The following SERAC1 variants were observed in gnomAD, a reference collection of about 807,000 sequenced individuals.
The protein encoded by SERAC1 is protein SERAC1.
A neutral mutation model predicts 85.7 loss-of-function variants in SERAC1; 36 were observed. The observed-to-expected ratio is 0.42, with a 90% CI of 0.32 to 0.55. The LOEUF (loss-of-function observed/expected upper bound fraction) is 0.55. Ranked by LOEUF, SERAC1 falls within the 20% of genes least tolerant of loss-of-function variation. The pLI, the probability that SERAC1 is intolerant of heterozygous loss-of-function variation, is 0.11. For missense variants in SERAC1, 629 were observed against 796.2 expected (o/e 0.79, Z 2.53); for synonymous variants, 242 against 265.3 (o/e 0.91, Z 0.85).
rs1449129513 is a variant in SERAC1 at position 158,128,191 on chromosome 6, C to A, written c.932G>T (p.Cys311Phe). 6.2e-6 allele frequency: 10 copies of A among 1,614,112 alleles called. No homozygotes were observed. The Admixed American group carries it at 6.7e-5, about 11-fold the overall frequency. ...CATTATATTTCTCTGTACTTTAGGG[C>A]AGTCCTTGTGAAGTCGGTACAGCCT... ...LQRLYRLHKD[C>F]PKVQRNIMRV... The change falls in exon 10 of 17, where the codon TGC (cysteine) becomes TTC (phenylalanine). Residue 311 changes from cysteine (C) to phenylalanine (F), a missense_variant. Coordinates refer to ENST00000647468, the MANE Select transcript of SERAC1 (RefSeq NM_032861.4).
At chr6:158,167,160 T>G (rs977979201) in intron 1 of SERAC1, among the ~76,000 whole-genome samples, 1 of 133,286 alleles carries the variant, frequency 7.5e-6, no homozygotes, top group Non-Finnish European at 1.6e-5. Context: ...ATTTGAGGGA[T>G]AGAAAGAGGG....
At chr6:158,123,253 A>G (rs1266201851) in intron 10 of SERAC1, among the ~76,000 whole-genome samples, 1 of 152,216 alleles carries the variant, frequency 6.6e-6, no homozygotes, top group Non-Finnish European at 1.5e-5. Context: ...CCTCCAATGT[A>G]TGTGATCAGA....
At position 158,111,373 on chromosome 6, in the gene SERAC1, T is replaced by C; in HGVS notation, c.1958A>G (p.Glu653Gly). ...ACTGGAAGAGCACAACTGTTAGTTT[T>C]CAAGGTCTTTGGCTAAAGCTTCACG... ...FIREALAKDL[E>G]N The change falls in exon 17 of 17, where the codon GAA (glutamate) becomes GGA (glycine). Residue 653 changes from glutamate (E) to glycine (G), a missense_variant. Transcript: ENST00000647468. 6.3e-7 allele frequency: 1 copy of C among 1,585,636 alleles called. No homozygotes were observed. The highest frequency in any genetic ancestry group is 2.2e-5 in the East Asian group (1 of 44,700).
intron 1 of SERAC1, among the ~76,000 whole-genome samples, chr6:158,166,409 T>C (rs1785597788): frequency 6.6e-6 from 1 of 151,890 alleles, no homozygotes; most frequent in Admixed American, 6.6e-5. Flanking sequence ...TACAACTTTA[T>C]ATTAAGCTTT....
At chr6:158,138,328 G>A (rs560815369) in intron 8 of SERAC1, among the ~76,000 whole-genome samples, 6 of 151,878 alleles carry the variant, frequency 4.0e-5, no homozygotes, top group East Asian at 1.9e-4. Context: ...CCAGCTAGTC[G>A]GGAGGCTGAG....
At chr6:158,157,847 G>A (rs73794526) in intron 2 of SERAC1, among the ~76,000 whole-genome samples, 5,321 of 152,242 alleles carry the variant, frequency 0.035, 295 homozygotes, top group African/African-American at 0.12. Context: ...GGCCTAGGGT[G>A]TCAGAGAAAG....
Position 158,120,617 on chromosome 6 carries a change from A to T in SERAC1, c.1016-42T>A. The T allele has an allele frequency of 6.3e-7, 1 of 1,594,324 alleles. No homozygotes were observed. ...ATATCCTAAATACTGATGTGAATCC[A>T]TCGCAGACCACAGAGAGAGTGAGGT... On this transcript the variant is annotated intron_variant, in intron 10 of 16. Transcript: ENST00000647468. This position sits in a 1 kb window ranked among gnomAD's most constrained non-coding sequence, Gnocchi z 4.4.
intron 12 of SERAC1, among the ~76,000 whole-genome samples, chr6:158,118,209 T>A (rs1189409043): frequency 6.6e-6 from 1 of 152,170 alleles, no homozygotes; most frequent in Non-Finnish European, 1.5e-5. Flanking sequence ...CTAATAATAA[T>A]CATCACAGTT....
chr6:158,166,182 T>A (rs1460584682), intron 1 of SERAC1: 2 of 152,226 alleles, frequency 1.3e-5, no homozygotes, highest in African/African-American at 4.8e-5. Flanking sequence ...AAAGTAAGAA[T>A]CTAATCCTGT....
chr6:158,131,059 CATATT>C (rs2128416061), intron 8 of SERAC1, among the ~76,000 whole-genome samples: 1 of 152,038 alleles, frequency 6.6e-6, no homozygotes, highest in South Asian at 2.1e-4. Context: ...CTATTTCTAA[CATATT>C]AAAACATAAA....
rs2502606 is a variant in SERAC1 at position 158,111,155 on chromosome 6, A to G, written c.*211T>C. ...GGACTTCTTTACACCAAAGGGGCCCAATCCAGCCCTTCCTTCTGTGCCTGC... is the reference window on the plus strand; with the variant it reads ...GGACTTCTTTACACCAAAGGGGCCCGATCCAGCCCTTCCTTCTGTGCCTGC... On this transcript the variant is annotated 3_prime_UTR_variant, in exon 17 of 17. Coordinates refer to ENST00000647468, the MANE Select transcript of SERAC1 (RefSeq NM_032861.4). 128,479 of 390,260 alleles carry G rather than the reference A, an allele frequency of 0.33. 21,712 individuals are homozygous for G. Among genetic ancestry groups the G allele is most frequent in the Non-Finnish European group, 0.34 (75,336 of 220,212 alleles). The allele number at this position is 390,260 out of a possible 1,614,324, so 24.2% of individuals were successfully genotyped here.
At chr6:158,167,141 T>C (rs1020638436) in intron 1 of SERAC1, among the ~76,000 whole-genome samples, 1 of 148,322 alleles carries the variant, frequency 6.7e-6, no homozygotes, top group Non-Finnish European at 1.5e-5. Context: ...AAATCACCAG[T>C]TGGAAAAGAT....
intron 5 of SERAC1, among the ~76,000 whole-genome samples, chr6:158,148,038 C>A (rs1346924132): frequency 1.3e-5 from 2 of 152,114 alleles, no homozygotes; most frequent in South Asian, 2.1e-4. Flanking sequence ...CCCAAATCAT[C>A]TAAAATTCAG....
intron 8 of SERAC1, among the ~76,000 whole-genome samples, chr6:158,132,416 G>C (rs1371718879): frequency 6.6e-6 from 1 of 152,192 alleles, no homozygotes; most frequent in Non-Finnish European, 1.5e-5. Flanking sequence ...ATGGGGCTAA[G>C]TCATGAAAAG....
chr6:158,156,648 C>T (rs1353564887), intron 2 of SERAC1, among the ~76,000 whole-genome samples: 1 of 150,074 alleles, frequency 6.7e-6, no homozygotes, highest in Admixed American at 6.8e-5. Flanking sequence ...TGGACTCAAG[C>T]TTCTGTTACA....
rs537671146 is a variant in SERAC1, at chr6:158,164,258, G to A, written c.-2+3882C>T. Among the ~76,000 whole-genome samples the A allele has an allele frequency of 2.6e-3, 388 of 151,824 alleles. 1 individual carries two copies. Among genetic ancestry groups the A allele is most frequent in the South Asian group, 5.6e-3 (27 of 4,790 alleles). ...TGGGAGGCCGAGGCAGGAGGATCAC[G>A]AGGTCAGGAGATCGAGACCAGCCTG... On this transcript the variant is annotated intron_variant, in intron 1 of 16. Coordinates refer to ENST00000647468, the MANE Select transcript of SERAC1 (RefSeq NM_032861.4).
chr6:158,163,766 T>G (rs1332361661), intron 1 of SERAC1, among the ~76,000 whole-genome samples: 2 of 152,052 alleles, frequency 1.3e-5, no homozygotes, highest in Admixed American at 1.3e-4. Flanking sequence ...AGAGTCTCAC[T>G]CTGTCGCCCA....
At chr6:158,147,307 CTT>C (rs78266108) in intron 5 of SERAC1, among the ~76,000 whole-genome samples, 1 of 142,930 alleles carries the variant, frequency 7.0e-6, no homozygotes, top group Non-Finnish European at 1.5e-5. Flanking sequence ...CCCAGCTAAT[CTT>C]TTTTTTTTTT....
chr6:158,113,345 T>G, intron 16 of SERAC1, 104 bp downstream of exon 16: 1 of 887,030 alleles, frequency 1.1e-6, no homozygotes. Context: ...CTTCATAAAC[T>G]ATCTCTTAAA....
Sources: allele counts gnomAD v4.1 joint callset (sites outside exome capture counted in the v4.1 genomes callset), GRCh38; gene constraint gnomAD v4.1.1; non-coding constraint Gnocchi (gnomAD v3.1); transcripts MANE v1.5; gene names NCBI Gene and HGNC (gene_info 2026-07-23, HGNC 2026-07-21).